NGF: variants seen among roughly 807,000 people sequenced by gnomAD.
NGF encodes beta-nerve growth factor.
In NGF, 4 loss-of-function variants were observed where a neutral mutation model predicts 12.8. That is an observed-to-expected ratio of 0.31 (90% confidence interval 0.15 to 0.72). The LOEUF (loss-of-function observed/expected upper bound fraction) is 0.72, where lower values mean the gene tolerates loss of function less well. NGF is among the 30% of genes least tolerant of loss of function. The pLI is 0.69. For synonymous variants in NGF, 140 were observed against 130.0 expected, an observed-to-expected ratio of 1.08 and a Z score of -0.52; for missense variants, 283 against 330.8, an observed-to-expected ratio of 0.86 and a Z score of 1.12.
intron 2 of NGF, among the ~76,000 whole-genome samples, chr1:115,292,428 G>A (rs1653730235): frequency 6.6e-6 from 1 of 152,186 alleles, no homozygotes; most frequent in Non-Finnish European, 1.5e-5. Flanking sequence ...TGTAGGTCTG[G>A]TAGGAGGACA....
At chr1:115,296,494 C>T (rs1049776455) in intron 1 of NGF, among the ~76,000 whole-genome samples, 3 of 152,208 alleles carry the variant, frequency 2.0e-5, no homozygotes, top group Admixed American at 1.3e-4. Context: ...GATCTGCATT[C>T]TTCGGGTGTC....
chr1:115,316,978 T>A (rs948678237), intron 1 of NGF, among the ~76,000 whole-genome samples: 1 of 152,142 alleles, frequency 6.6e-6, no homozygotes, highest in African/African-American at 2.4e-5. Context: ...TTAGGGTACA[T>A]CCTTCCAGAA....
At chr1:115,314,438 A>G (rs554712637) in intron 1 of NGF, among the ~76,000 whole-genome samples, 80 of 152,332 alleles carry the variant, frequency 5.3e-4, no homozygotes, top group African/African-American at 1.9e-3. Flanking sequence ...ACTATCTCTC[A>G]GAAAAATTAA....
intron 1 of NGF, among the ~76,000 whole-genome samples, chr1:115,307,420 C>A (rs1654231507): frequency 6.6e-6 from 1 of 152,036 alleles, no homozygotes; most frequent in Admixed American, 6.5e-5. Flanking sequence ...AGAGAAAGAC[C>A]AGAGAAAGAG....
At chr1:115,321,596 G>A (rs996210744) in intron 1 of NGF, among the ~76,000 whole-genome samples, 1 of 123,230 alleles carries the variant, frequency 8.1e-6, no homozygotes, top group Non-Finnish European at 1.5e-5. Flanking sequence ...GTGTGTGTGT[G>A]TGTGTGTGTG....
intron 1 of NGF, among the ~76,000 whole-genome samples, chr1:115,331,435 A>G (rs939821139): frequency 1.3e-5 from 2 of 152,216 alleles, no homozygotes; most frequent in Non-Finnish European, 2.9e-5. Context: ...CTTGGAGGTC[A>G]TATATTCACA....
At chr1:115,290,866 G>C (rs1478770538) in intron 2 of NGF, among the ~76,000 whole-genome samples, 1 of 152,018 alleles carries the variant, frequency 6.6e-6, no homozygotes, top group African/African-American at 2.4e-5. Context: ...CTGTGAGTAT[G>C]TAGACAAGTC....
chr1:115,294,436 A>G (rs719452), intron 1 of NGF, among the ~76,000 whole-genome samples: 1 of 152,232 alleles, frequency 6.6e-6, no homozygotes, highest in Non-Finnish European at 1.5e-5. Flanking sequence ...ATGTAGGCAC[A>G]TCATTCATTC....
At chr1:115,331,566 A>G (rs1654924321) in intron 1 of NGF, among the ~76,000 whole-genome samples, 1 of 152,250 alleles carries the variant, frequency 6.6e-6, no homozygotes, top group South Asian at 2.1e-4. Flanking sequence ...CCATGTGTGG[A>G]AAGTGAAGAA....
chr1:115,323,725 G>C (rs1654691329), intron 1 of NGF, among the ~76,000 whole-genome samples: 1 of 152,192 alleles, frequency 6.6e-6, no homozygotes, highest in African/African-American at 2.4e-5. Context: ...CATCTTAGGT[G>C]TGTTACTTTA....
At chr1:115,287,430 C>T (rs556526984) in intron 2 of NGF, among the ~76,000 whole-genome samples, 2 of 152,298 alleles carry the variant, frequency 1.3e-5, no homozygotes, top group African/African-American at 2.4e-5. Flanking sequence ...CTGGGACCAT[C>T]TTAGTCCAGG....
At chr1:115,336,175 A>T (rs1655104147) in intron 1 of NGF, among the ~76,000 whole-genome samples, 1 of 150,864 alleles carries the variant, frequency 6.6e-6, no homozygotes, top group African/African-American at 2.4e-5. Flanking sequence ...GGAAAGAGTC[A>T]CCAATACCGG....
chr1:115,316,632 C>CA (rs1299924848), intron 1 of NGF, among the ~76,000 whole-genome samples: 1 of 151,984 alleles, frequency 6.6e-6, no homozygotes. Flanking sequence ...TGTAAATATC[C>CA]AAAATCAACC....
chr1:115,315,613 C>T (rs1238470207), intron 1 of NGF, among the ~76,000 whole-genome samples: 1 of 152,036 alleles, frequency 6.6e-6, no homozygotes, highest in East Asian at 1.9e-4. Flanking sequence ...TACCTATATA[C>T]TGAGATAGCT....
intron 1 of NGF, among the ~76,000 whole-genome samples, chr1:115,321,807 T>A (rs1310140360): frequency 6.6e-6 from 1 of 152,156 alleles, no homozygotes; most frequent in African/African-American, 2.4e-5. Flanking sequence ...AAAGTCTTCC[T>A]TGTAATTAAA....
At chr1:115,301,637 A>G (rs1571080338) in intron 1 of NGF, among the ~76,000 whole-genome samples, 1 of 152,306 alleles carries the variant, frequency 6.6e-6, no homozygotes, top group East Asian at 1.9e-4. Flanking sequence ...GGCCATGCAC[A>G]TGCTCAGTGG....
At chr1:115,296,090 T>C (rs540494366) in intron 1 of NGF, among the ~76,000 whole-genome samples, 9 of 152,242 alleles carry the variant, frequency 5.9e-5, no homozygotes, top group African/African-American at 1.9e-4. Context: ...GACATGTTCA[T>C]AGAGGAGGTA....
intron 1 of NGF, among the ~76,000 whole-genome samples, chr1:115,325,320 T>G (rs1386821045): frequency 3.3e-5 from 5 of 152,154 alleles, no homozygotes; most frequent in Non-Finnish European, 1.5e-5. Flanking sequence ...ATAAGGCAGA[T>G]TTCCTCCACC....
intron 1 of NGF, among the ~76,000 whole-genome samples, chr1:115,305,677 T>C (rs1468321857): frequency 1.3e-5 from 2 of 152,236 alleles, no homozygotes; most frequent in African/African-American, 2.4e-5. Context: ...TGAAGTAATC[T>C]AACCACCAAG....
Sources: allele counts gnomAD v4.1 joint callset (sites outside exome capture counted in the v4.1 genomes callset), GRCh38; gene constraint gnomAD v4.1.1; transcripts MANE v1.5; gene names NCBI Gene and HGNC (gene_info 2026-07-23, HGNC 2026-07-21).